Variants in PTN observed in about 807,000 individuals in gnomAD.
The protein encoded by PTN is heparin affin regulatory protein.
A neutral mutation model predicts 24.1 loss-of-function variants in PTN; 18 were observed. The ratio of observed to expected loss-of-function variants is 0.75; its 90% CI spans 0.52 to 1.11. PTN has a LOEUF of 1.11. Among genes scored for constraint, PTN ranks in the 50% least tolerant of loss-of-function variants. The pLI, the probability that PTN is intolerant of heterozygous loss-of-function variation, is 0.00. For missense variants in PTN, 163 were observed against 198.8 expected (o/e 0.82, Z 1.08); for synonymous variants, 78 against 68.6 (o/e 1.14, Z -0.67).
At chr7:137,230,145 G>A in intron 4 of PTN, among the ~76,000 whole-genome samples, 1 of 151,740 alleles carries the variant, frequency 6.6e-6, no homozygotes, top group Non-Finnish European at 1.5e-5. Context: ...CCAGGTTTTT[G>A]TATAAAAGTT....
At chr7:137,342,167 T>C (rs906227188) in intron 1 of PTN, among the ~76,000 whole-genome samples, 3 of 152,204 alleles carry the variant, frequency 2.0e-5, no homozygotes, top group Non-Finnish European at 4.4e-5. Context: ...GGGGCTAAAA[T>C]GGGCCCTGCT....
intron 1 of PTN, among the ~76,000 whole-genome samples, chr7:137,331,138 T>G (rs1227225769): frequency 6.6e-6 from 1 of 151,978 alleles, no homozygotes; most frequent in Non-Finnish European, 1.5e-5. Context: ...ATTTAACATC[T>G]TGTGAAAGAA....
chr7:137,313,537 A>G (rs1349403873), intron 1 of PTN, among the ~76,000 whole-genome samples: 1 of 152,102 alleles, frequency 6.6e-6, no homozygotes, highest in Non-Finnish European at 1.5e-5. Flanking sequence ...CTCCCCCTTA[A>G]TCGATCCCTC....
intron 4 of PTN, among the ~76,000 whole-genome samples, chr7:137,233,245 CCT>C: frequency 6.6e-6 from 1 of 151,806 alleles, no homozygotes; most frequent in Non-Finnish European, 1.5e-5. Flanking sequence ...AGAACTAAGC[CCT>C]AATCTAGAGA....
chr7:137,315,176 A>G (rs1810050853), intron 1 of PTN, among the ~76,000 whole-genome samples: 1 of 152,208 alleles, frequency 6.6e-6, no homozygotes, highest in Admixed American at 6.5e-5. Flanking sequence ...TATGCCATGC[A>G]ATGGTATCAC....
intron 1 of PTN, among the ~76,000 whole-genome samples, chr7:137,339,698 C>T (rs1285618725): frequency 1.3e-5 from 2 of 151,996 alleles, no homozygotes; most frequent in Non-Finnish European, 2.9e-5. Flanking sequence ...CCTGGTACAT[C>T]CGTACATAGA....
intron 4 of PTN, among the ~76,000 whole-genome samples, chr7:137,245,968 C>T (rs1242439615): frequency 6.6e-6 from 1 of 151,954 alleles, no homozygotes; most frequent in Admixed American, 6.6e-5. Flanking sequence ...AAATAGTTAC[C>T]GTAAGCTAAG....
Position 137,275,071 on chromosome 7 carries a change from A to G in PTN, c.-1-20097T>C, listed in dbSNP as rs1809340135. ...ATGCCTGGCATCCTGTGAGACATGT[A>G]TTCAGTTCTCCATCAATGGTAGCCC... On this transcript the variant is annotated intron_variant, in intron 1 of 4. Coordinates refer to ENST00000348225, the MANE Select transcript of PTN (RefSeq NM_002825.7). Among the ~76,000 whole-genome samples the G allele has an allele frequency of 2.0e-5, 3 of 152,200 alleles. No homozygotes were observed. The South Asian group carries it at 6.2e-4, about 32-fold the overall frequency.
chr7:137,329,704 G>T (rs1399440482), intron 1 of PTN, among the ~76,000 whole-genome samples: 5 of 152,184 alleles, frequency 3.3e-5, no homozygotes, highest in African/African-American at 1.2e-4. Context: ...GGAATAGAAA[G>T]TAGTAAAATG....
At position 137,284,276 on chromosome 7, in the gene PTN, G is replaced by T. The variant is rs572672520; in HGVS notation, c.-1-29302C>A. Among the ~76,000 whole-genome samples, 8 of 152,082 alleles carry T rather than the reference G, an allele frequency of 5.3e-5. No homozygotes were observed. The South Asian group carries it at 1.7e-3, about 32-fold the overall frequency. ...GGGCCGAGCATCATATTTTATAATG[G>T]TATGTACGAATTGATTGCTTCCTGA... On this transcript the variant is annotated intron_variant, in intron 1 of 4. Transcript: ENST00000348225.
chr7:137,243,196 A>T (rs1808662501), intron 4 of PTN, among the ~76,000 whole-genome samples: 1 of 152,056 alleles, frequency 6.6e-6, no homozygotes, highest in African/African-American at 2.4e-5. Flanking sequence ...CAGCCTCCCA[A>T]AGTGCTGGGA....
At chr7:137,323,404 G>T (rs146977968) in intron 1 of PTN, among the ~76,000 whole-genome samples, 5 of 152,014 alleles carry the variant, frequency 3.3e-5, no homozygotes, top group Admixed American at 6.6e-5. Flanking sequence ...TGTTGTTGGG[G>T]GACTGGTGTG....
chr7:137,245,420 T>A (rs1187341656), intron 4 of PTN, among the ~76,000 whole-genome samples: 1 of 152,224 alleles, frequency 6.6e-6, no homozygotes, highest in Non-Finnish European at 1.5e-5. Flanking sequence ...GGCAGCACAT[T>A]ACTCACATGT....
chr7:137,300,987 A>G (rs1303672082), intron 1 of PTN, among the ~76,000 whole-genome samples: 1 of 151,846 alleles, frequency 6.6e-6, no homozygotes, highest in Non-Finnish European at 1.5e-5. Flanking sequence ...TTCATTCCCC[A>G]TTCTTAATGC....
At position 137,307,299 on chromosome 7, in the gene PTN, G is replaced by A. The variant is rs146020075; in HGVS notation, c.-2+36140C>T. Among the ~76,000 whole-genome samples the A allele has an allele frequency of 1.4e-4, 22 of 151,984 alleles. No individual in the cohort carries two copies. In the East Asian group the frequency reaches 3.5e-3, roughly 24 times the overall value. ...TCCTGACAATCTAAGTTTCTTTTTA[G>A]GGCAACTCAGAAAGGTACCTATTCA... is the stretch of plus-strand genomic sequence containing the variant. On this transcript the variant is annotated intron_variant, in intron 1 of 4. Coordinates refer to ENST00000348225, the MANE Select transcript of PTN (RefSeq NM_002825.7).
At chr7:137,259,991 C>T (rs1331661988) in intron 1 of PTN, among the ~76,000 whole-genome samples, 2 of 151,922 alleles carry the variant, frequency 1.3e-5, no homozygotes, top group East Asian at 3.8e-4. Context: ...ATTTAAAGTA[C>T]CTAAGATTTT....
intron 4 of PTN, 93 bp downstream of exon 4, chr7:137,251,137 C>G: frequency 7.2e-7 from 1 of 1,397,366 alleles, no homozygotes; most frequent in Non-Finnish European, 1.0e-6. Context: ...TAAGGTAATT[C>G]ACCTAATATT....
intron 1 of PTN, among the ~76,000 whole-genome samples, chr7:137,298,747 G>T (rs560807735): frequency 6.6e-6 from 1 of 152,034 alleles, no homozygotes; most frequent in African/African-American, 2.4e-5. Flanking sequence ...TCTCAACAGG[G>T]GTTAGGGTTT....
intron 1 of PTN, chr7:137,326,476 A>C (rs1485591699): frequency 6.6e-6 from 1 of 152,228 alleles, no homozygotes; most frequent in Non-Finnish European, 1.5e-5. Flanking sequence ...ATCTGTCTTA[A>C]CTACCTACTT....
Sources: allele counts gnomAD v4.1 joint callset (sites outside exome capture counted in the v4.1 genomes callset), GRCh38; gene constraint gnomAD v4.1.1; transcripts MANE v1.5; gene names NCBI Gene and HGNC (gene_info 2026-07-23, HGNC 2026-07-21).